The following FHIT variants were observed in gnomAD, a reference collection of about 807,000 sequenced individuals.
FHIT encodes fragile histidine triad diadenosine triphosphatase.
In FHIT, 19 loss-of-function variants were observed where a neutral mutation model predicts 17.9. That is an observed-to-expected ratio of 1.06 (90% CI 0.74 to 1.56). The LOEUF (loss-of-function observed/expected upper bound fraction) is 1.56, where lower values mean the gene tolerates loss of function less well. Ranked by LOEUF, FHIT falls within the 40% of genes most tolerant of loss-of-function variation. The pLI, the probability that FHIT is intolerant of heterozygous loss-of-function variation, is 0.00. For missense variants in FHIT, 248 were observed against 189.2 expected (o/e 1.31, Z -1.82); for synonymous variants, 81 against 69.7 (o/e 1.16, Z -0.81).
At chr3:60,285,469 C>T (rs576282767) in intron 5 of FHIT, among the ~76,000 whole-genome samples, 15 of 152,110 alleles carry the variant, frequency 9.9e-5, no homozygotes, top group Non-Finnish European at 1.6e-4. Flanking sequence ...AAAATTATGA[C>T]ATTTTCTTAA....
rs77091461 is a variant in FHIT, at chr3:60,183,784, G to A, written c.104-169632C>T. Among the ~76,000 whole-genome samples the A allele has an allele frequency of 2.2e-3, 330 of 152,142 alleles. 1 individual carries two copies. Among genetic ancestry groups the A allele is most frequent in the African/African-American group, 7.3e-3 (304 of 41,514 alleles). ...TTACTAAGAAAAAATATTTCCTACT[G>A]TGGCCCAGATCCTGATGACAGTCAA... On this transcript the variant is annotated intron_variant, in intron 5 of 9. Coordinates refer to ENST00000492590, the MANE Select transcript of FHIT (RefSeq NM_002012.4).
chr3:61,240,706 C>T (rs1006952059), intron 1 of FHIT, among the ~76,000 whole-genome samples: 6 of 152,180 alleles, frequency 3.9e-5, no homozygotes, highest in Non-Finnish European at 8.8e-5. Context: ...AGGTACCTTG[C>T]CTTCTAATGG....
intron 5 of FHIT, among the ~76,000 whole-genome samples, chr3:60,234,004 C>T (rs1212586161): frequency 6.6e-6 from 1 of 152,156 alleles, no homozygotes; most frequent in East Asian, 1.9e-4. Flanking sequence ...AGCATGAGAA[C>T]AGATTAACAG....
Position 59,747,570 on chromosome 3 carries a change from A to C in FHIT, c.*2015T>G, listed in dbSNP as rs1357738573. 6.6e-6 allele frequency among the ~76,000 whole-genome samples: 1 copy of C among 152,154 alleles called. No individual in the cohort carries two copies. Among genetic ancestry groups the C allele is most frequent in the Non-Finnish European group, 1.5e-5 (1 of 68,024 alleles). ...ATAACTAGGTATGTCCACCCCAAAC[A>C]TTAAGTCAAGAACATCTTTTTGGTC... On this transcript the variant is annotated 3_prime_UTR_variant, in exon 10 of 10. Transcript: ENST00000492590.
chr3:59,753,801 G>T (rs1372441964), intron 8 of FHIT, among the ~76,000 whole-genome samples: 6 of 151,972 alleles, frequency 3.9e-5, no homozygotes, highest in African/African-American at 1.4e-4. Flanking sequence ...TTCATACCCC[G>T]GTCCAAAGAT....
At chr3:60,480,899 G>A (rs1469975131) in intron 5 of FHIT, among the ~76,000 whole-genome samples, 1 of 152,194 alleles carries the variant, frequency 6.6e-6, no homozygotes, top group East Asian at 1.9e-4. Flanking sequence ...TCTAGAGGAT[G>A]GTGGCCCTCT....
chr3:60,448,696 T>C lies in FHIT; in HGVS notation c.103+88164A>G, dbSNP rs186963744. On this transcript the variant is annotated intron_variant, in intron 5 of 9. Transcript: ENST00000492590. ...AGCATTGATCATTTTCCCTGCACTT[T>C]AAGAATGTAACTACGGATTATGGAC... Among the ~76,000 whole-genome samples the C allele has an allele frequency of 2.1e-4, 32 of 152,308 alleles. No homozygotes were observed. In the East Asian group the frequency reaches 6.0e-3, roughly 28 times the overall value.
chr3:60,550,049 T>G (rs879248281), intron 4 of FHIT, among the ~76,000 whole-genome samples: 1 of 152,134 alleles, frequency 6.6e-6, no homozygotes, highest in Non-Finnish European at 1.5e-5. Flanking sequence ...ACTTAAACAC[T>G]AGGGGCTCAA....
chr3:60,989,452 AT>A (rs2029988608), intron 3 of FHIT, among the ~76,000 whole-genome samples: 1 of 152,268 alleles, frequency 6.6e-6, no homozygotes, highest in African/African-American at 2.4e-5. Context: ...GGAAACTTTA[AT>A]TAAGCTCTTG....
chr3:60,636,404 C>G (rs904806921), intron 4 of FHIT, among the ~76,000 whole-genome samples: 1 of 151,888 alleles, frequency 6.6e-6, no homozygotes, highest in South Asian at 2.1e-4. Flanking sequence ...CTCTAGACAA[C>G]AAGATCCTCA....
At chr3:60,424,897 G>A (rs1276954014) in intron 5 of FHIT, among the ~76,000 whole-genome samples, 1 of 152,090 alleles carries the variant, frequency 6.6e-6, no homozygotes, top group African/African-American at 2.4e-5. Context: ...CTGATCCACA[G>A]GCTCTGAAGT....
chr3:60,660,955 G>C (rs1446978180), intron 4 of FHIT, among the ~76,000 whole-genome samples: 1 of 151,716 alleles, frequency 6.6e-6, no homozygotes, highest in Non-Finnish European at 1.5e-5. Context: ...CTTTCACAAA[G>C]CAAAAGTTTT....
intron 1 of FHIT, among the ~76,000 whole-genome samples, chr3:61,250,062 T>G (rs1427504462): frequency 1.3e-5 from 2 of 151,678 alleles, no homozygotes; most frequent in East Asian, 3.9e-4. Context: ...CCGGCAGCCA[T>G]GAACGCAGGT....
intron 8 of FHIT, among the ~76,000 whole-genome samples, chr3:59,773,737 G>C (rs576336239): frequency 8.6e-5 from 13 of 152,012 alleles, no homozygotes; most frequent in African/African-American, 2.4e-4. Context: ...ATCACCTGGC[G>C]GCTTGTTAGA....
At chr3:61,070,485 A>G (rs1414862358) in intron 2 of FHIT, among the ~76,000 whole-genome samples, 1 of 152,116 alleles carries the variant, frequency 6.6e-6, no homozygotes, top group African/African-American at 2.4e-5. Flanking sequence ...AAATGGACAG[A>G]CTTGTGTGGA....
chr3:60,404,960 AATCCTATAAT>A (rs1201366026), intron 5 of FHIT, among the ~76,000 whole-genome samples: 2 of 152,158 alleles, frequency 1.3e-5, no homozygotes, highest in African/African-American at 4.8e-5. Flanking sequence ...CAGCAGCAGA[AATCCTATAAT>A]ATATTTTTGT....
intron 7 of FHIT, among the ~76,000 whole-genome samples, chr3:59,935,605 A>G (rs1575725761): frequency 1.3e-5 from 2 of 151,970 alleles, no homozygotes; most frequent in Non-Finnish European, 2.9e-5. Context: ...GTTAGAAGAC[A>G]TATTTTCTAA....
chr3:60,619,600 CAA>C (rs57198487), intron 4 of FHIT, among the ~76,000 whole-genome samples: 42 of 88,676 alleles, frequency 4.7e-4, no homozygotes, highest in African/African-American at 1.1e-3. Context: ...TACCCACATG[CAA>C]AAAAAAAAAA....
At chr3:59,963,196 G>A (rs1288808591) in intron 7 of FHIT, among the ~76,000 whole-genome samples, 1 of 151,266 alleles carries the variant, frequency 6.6e-6, no homozygotes, top group Non-Finnish European at 1.5e-5. Context: ...GAACCCAGGA[G>A]GTGGAGTTCG....
Sources: allele counts gnomAD v4.1 joint callset (sites outside exome capture counted in the v4.1 genomes callset), GRCh38; gene constraint gnomAD v4.1.1; transcripts MANE v1.5; gene names NCBI Gene and HGNC (gene_info 2026-07-23, HGNC 2026-07-21).